The following PRKCB variants were observed in gnomAD, a reference collection of about 807,000 sequenced individuals.
PRKCB encodes the protein protein kinase C beta.
Under a neutral mutation model 81.5 loss-of-function variants are expected in PRKCB, and 13 were observed. The ratio of observed to expected loss-of-function variants is 0.16; its 90% CI spans 0.10 to 0.25. The LOEUF is 0.25. Ranked by LOEUF, PRKCB falls within the 10% of genes least tolerant of loss-of-function variation. The pLI, the probability that PRKCB is intolerant of heterozygous loss-of-function variation, is 1.00. For missense variants in PRKCB, 509 were observed against 875.7 expected (o/e 0.58, Z 5.29); for synonymous variants, 335 against 321.4 (o/e 1.04, Z -0.45).
At chr16:24,065,071 A>T (rs979304731) in intron 5 of PRKCB, among the ~76,000 whole-genome samples, 11 of 147,818 alleles carry the variant, frequency 7.4e-5, no homozygotes, top group South Asian at 2.1e-4. Flanking sequence ...ATATATATAT[A>T]TTTTTCCCCC....
rs1274247368 is a variant in PRKCB at position 24,215,360 on chromosome 16, C to T, written c.*544C>T. On this transcript the variant is annotated 3_prime_UTR_variant, in exon 17 of 17. Coordinates refer to ENST00000643927, the MANE Select transcript of PRKCB (RefSeq NM_002738.7). ...TTTGTAAACTCAAAGTTAAGATGAT[C>T]AAAGTTCTAAAATTCCAAGAATGTG... 1.0e-6 allele frequency: 1 copy of T among 985,952 alleles called. No individual in the cohort carries two copies. The highest frequency in any genetic ancestry group is 1.7e-5 in the African/African-American group (1 of 57,218). The allele number at this position is 985,952 out of a possible 1,614,324, so 61.1% of individuals were successfully genotyped here. A position where few individuals can be genotyped will look rare whatever the true frequency, so the allele number is the denominator to read the frequency against.
At position 24,217,510 on chromosome 16, in the gene PRKCB, A is replaced by G. The variant is rs1030143078; in HGVS notation, c.*2694A>G. 1.4e-5 allele frequency: 14 copies of G among 985,326 alleles called. No homozygotes were observed. The highest frequency in any genetic ancestry group is 1.6e-5 in the Non-Finnish European group (13 of 829,954). The allele number at this position is 985,326 out of a possible 1,614,324, so 61.0% of individuals were successfully genotyped here. A position where few individuals can be genotyped will look rare whatever the true frequency, so the allele number is the denominator to read the frequency against. ...TTCAGATGCTATCAACCTCAAAGAAATGATCTCAACAGAGAAGCTTATTCT... is the reference window on the plus strand; with the variant it reads ...TTCAGATGCTATCAACCTCAAAGAAGTGATCTCAACAGAGAAGCTTATTCT... On this transcript the variant is annotated 3_prime_UTR_variant, in exon 17 of 17. Coordinates refer to ENST00000643927, the MANE Select transcript of PRKCB (RefSeq NM_002738.7).
At chr16:24,144,342 G>A (rs188355499) in intron 9 of PRKCB, among the ~76,000 whole-genome samples, 1 of 152,120 alleles carries the variant, frequency 6.6e-6, no homozygotes, top group East Asian at 1.9e-4. Context: ...CACCCAGGCT[G>A]GAGTGCAGTG....
rs931864883 is a variant in PRKCB, at chr16:24,217,768, TA to T, written c.*2960del. The T allele has an allele frequency of 2.3e-5, 23 of 984,954 alleles. 1 individual carries two copies. The highest frequency in any genetic ancestry group is 2.7e-5 in the Non-Finnish European group (22 of 829,842). The allele number at this position is 984,954 out of a possible 1,614,324, so 61.0% of individuals were successfully genotyped here. A position where few individuals can be genotyped will look rare whatever the true frequency, so the allele number is the denominator to read the frequency against. ...AGGGTTGATGAGACCAGGGGAGACC[TA>T]AAAAAAAGGCAGCTTTGTGTCTTCT... On this transcript the variant is annotated 3_prime_UTR_variant, in exon 17 of 17. Coordinates refer to ENST00000643927, the MANE Select transcript of PRKCB (RefSeq NM_002738.7).
rs1964754159 is a variant in PRKCB, at chr16:23,982,672, T to C, written c.206-5836T>C. ...TTGAACTCCTGGGCTCAAGCAATCCTCCTGCCTCGACCTCCCAAAGTGCTA... is the reference window on the plus strand; with the variant it reads ...TTGAACTCCTGGGCTCAAGCAATCCCCCTGCCTCGACCTCCCAAAGTGCTA... On this transcript the variant is annotated intron_variant, in intron 2 of 16. Transcript: ENST00000643927. Among the ~76,000 whole-genome samples, 2 of 152,038 alleles carry C rather than the reference T, an allele frequency of 1.3e-5. 1 individual carries two copies. Among genetic ancestry groups the C allele is most frequent in the Admixed American group, 1.3e-4 (2 of 15,258 alleles).
intron 5 of PRKCB, among the ~76,000 whole-genome samples, chr16:24,056,887 C>T (rs7196303): frequency 0.32 from 48,207 of 152,026 alleles, 9,193 homozygotes; most frequent in African/African-American, 0.54. Flanking sequence ...GCAACGCAAA[C>T]GGATGAACAC....
chr16:23,895,771 G>A (rs1963368745), intron 2 of PRKCB, among the ~76,000 whole-genome samples: 1 of 152,100 alleles, frequency 6.6e-6, no homozygotes, highest in South Asian at 2.1e-4. Context: ...TGATATAATT[G>A]ATGTTAAGTG....
rs545080978 is a variant in PRKCB, at chr16:23,846,248, C to A, written c.205+8842C>A. Among the ~76,000 whole-genome samples the A allele has an allele frequency of 3.3e-5, 5 of 149,646 alleles. No individual in the cohort carries two copies. The East Asian group carries it at 7.9e-4, about 24-fold the overall frequency. On this transcript the variant is annotated intron_variant, in intron 2 of 16. Coordinates refer to ENST00000643927, the MANE Select transcript of PRKCB (RefSeq NM_002738.7). ...AACAACCCTCTAACACAAATCTGGG[C>A]ACTTAGTAGATATCTGTTGAATATT...
At chr16:24,020,976 T>A (rs61190547) in intron 3 of PRKCB, among the ~76,000 whole-genome samples, 10 of 96,628 alleles carry the variant, frequency 1.0e-4, no homozygotes, top group Non-Finnish European at 1.6e-4. Context: ...AGACTTTTCT[T>A]TTTCTTTCTT....
At chr16:23,836,419 C>T (rs1257507183) in intron 1 of PRKCB, 71 bp downstream of exon 1, 20 of 1,436,076 alleles carry the variant, frequency 1.4e-5, no homozygotes, top group Admixed American at 8.1e-5. Flanking sequence ...CCCCTCTCCG[C>T]GCCCTCTGCG....
Position 24,218,420 on chromosome 16 carries a change from A to T in PRKCB, c.*3604A>T. On this transcript the variant is annotated 3_prime_UTR_variant, in exon 17 of 17. Coordinates refer to ENST00000643927, the MANE Select transcript of PRKCB (RefSeq NM_002738.7). The stretch of plus-strand genomic sequence containing the variant: ...GGCAGGTGGGACATGGTAGAGATGG[A>T]CCCTACCCAGGAAACAGCTCCATCA... 3 of 985,222 alleles carry T rather than the reference A, an allele frequency of 3.0e-6. No homozygotes were observed. The highest frequency in any genetic ancestry group is 2.4e-6 in the Non-Finnish European group (2 of 829,946). The allele number at this position is 985,222 out of a possible 1,614,324, so 61.0% of individuals were successfully genotyped here. A position where few individuals can be genotyped will look rare whatever the true frequency, so the allele number is the denominator to read the frequency against.
intron 5 of PRKCB, among the ~76,000 whole-genome samples, chr16:24,065,309 C>T (rs1966019378): frequency 6.6e-6 from 1 of 151,694 alleles, no homozygotes; most frequent in South Asian, 2.1e-4. Flanking sequence ...TTGGGGATCA[C>T]TTAAGTATAT....
At chr16:23,878,452 C>T (rs1963051337) in intron 2 of PRKCB, among the ~76,000 whole-genome samples, 1 of 152,214 alleles carries the variant, frequency 6.6e-6, no homozygotes, top group South Asian at 2.1e-4. Flanking sequence ...CCAGATAGCA[C>T]TTCACCATTA....
At chr16:24,167,728 T>C (rs919439321) in intron 10 of PRKCB, among the ~76,000 whole-genome samples, 1 of 152,146 alleles carries the variant, frequency 6.6e-6, no homozygotes, top group Admixed American at 6.5e-5. Flanking sequence ...CTCAGAACCT[T>C]TCACACAAGA....
intron 15 of PRKCB, among the ~76,000 whole-genome samples, chr16:24,187,705 G>A (rs1463476631): frequency 6.6e-6 from 1 of 151,716 alleles, no homozygotes; most frequent in Non-Finnish European, 1.5e-5. Flanking sequence ...TTTTATCAAT[G>A]TCTCGCTCTG....
intron 2 of PRKCB, among the ~76,000 whole-genome samples, chr16:23,938,343 A>C (rs527236511): frequency 6.6e-6 from 1 of 152,342 alleles, no homozygotes; most frequent in East Asian, 1.9e-4. Flanking sequence ...CAAATCTACC[A>C]CCACTGAAAA....
intron 3 of PRKCB, among the ~76,000 whole-genome samples, chr16:24,020,978 T>C (rs529694543): frequency 2.3e-5 from 2 of 85,536 alleles, no homozygotes; most frequent in South Asian, 4.4e-4. Context: ...ACTTTTCTTT[T>C]TCTTTCTTTC....
intron 2 of PRKCB, among the ~76,000 whole-genome samples, chr16:23,873,664 T>C (rs1415642235): frequency 1.3e-5 from 2 of 152,192 alleles, no homozygotes; most frequent in Non-Finnish European, 2.9e-5. Context: ...TTGCCCTTCA[T>C]TGAGTCAGAA....
intron 3 of PRKCB, among the ~76,000 whole-genome samples, chr16:24,016,683 A>G (rs954259456): frequency 7.3e-6 from 1 of 136,502 alleles, no homozygotes; most frequent in African/African-American, 3.0e-5. Flanking sequence ...TTTATGGGGG[A>G]AAAAATCTTT....
Sources: gnomAD v4.1 joint callset for allele counts (sites outside exome capture counted in the v4.1 genomes callset) on GRCh38, gnomAD v4.1.1 for gene constraint, MANE v1.5 for transcripts, NCBI Gene and HGNC (gene_info 2026-07-23, HGNC 2026-07-21) for gene names.